The following ADD1 variants were observed in gnomAD, a reference collection of about 807,000 sequenced individuals.
ADD1 encodes adducin 1, also known as alpha-adducin.
ADD1 carries 24 observed loss-of-function variants against 80.5 expected under a neutral mutation model. The observed-to-expected ratio is 0.30, with a 90% CI of 0.22 to 0.42. ADD1 has a LOEUF of 0.42. Ranked by LOEUF, ADD1 falls within the 10% of genes least tolerant of loss-of-function variation. ADD1 has a pLI of 1.00. For synonymous variants in ADD1, 373 were observed against 393.8 expected, an observed-to-expected ratio of 0.95 and a Z score of 0.63; for missense variants, 948 against 1,019.0, an observed-to-expected ratio of 0.93 and a Z score of 0.95.
At chr4:2,853,584 A>G (rs1167399361) in intron 1 of ADD1, 1 of 152,068 alleles carries the variant, frequency 6.6e-6, no homozygotes, top group Non-Finnish European at 1.5e-5. Flanking sequence ...TATGGTTTGA[A>G]GAAACTCTTC....
chr4:2,852,799 C>T (rs771574716), intron 1 of ADD1, among the ~76,000 whole-genome samples: 3 of 151,192 alleles, frequency 2.0e-5, no homozygotes, highest in South Asian at 2.1e-4. Context: ...CTCGTGGGCC[C>T]GAGCAGTCCT....
intron 1 of ADD1, 44 bp downstream of exon 1, chr4:2,844,068 A>AGGC (rs1015343018): frequency 7.2e-5 from 10 of 137,964 alleles, no homozygotes; most frequent in African/African-American, 2.5e-4. Context: ...GTTCGGGCTG[A>AGGC]GGCGGCGGCG....
Position 2,875,891 on chromosome 4 carries a change from T to C in ADD1, c.-20-5T>C. ...ACAATAATTTCTTTTATTTTGATTC[T>C]GTAGGAACCTAGAAAGATTGTACAA... On this transcript the variant is annotated splice_polypyrimidine_tract_variant and splice_region_variant and intron_variant, in intron 1 of 15. Coordinates refer to ENST00000683351, the MANE Select transcript of ADD1 (RefSeq NM_001354761.2). 1 of 1,556,944 alleles carries C rather than the reference T, an allele frequency of 6.4e-7. No individual in the cohort carries two copies. Among genetic ancestry groups the C allele is most frequent in the Non-Finnish European group, 8.7e-7 (1 of 1,153,640 alleles).
At chr4:2,872,060 A>G (rs537485550) in intron 1 of ADD1, among the ~76,000 whole-genome samples, 1 of 152,322 alleles carries the variant, frequency 6.6e-6, no homozygotes, top group Non-Finnish European at 1.5e-5. Flanking sequence ...GACTGGAAGT[A>G]GAGAAACCAA....
intron 13 of ADD1, among the ~76,000 whole-genome samples, chr4:2,914,502 G>A (rs773386726): frequency 6.6e-6 from 1 of 152,218 alleles, no homozygotes; most frequent in Admixed American, 6.5e-5. Flanking sequence ...AGTTTCTGAT[G>A]TCATGAGGAA....
chr4:2,884,367 T>G (rs1732891885), intron 3 of ADD1, 148 bp from the exon 4 acceptor site: 1 of 486,904 alleles, frequency 2.1e-6, no homozygotes, highest in South Asian at 6.4e-5. Context: ...TCTCGCTTTG[T>G]TGCCTTGGCT....
chr4:2,888,865 G>A (rs577635923), intron 4 of ADD1, among the ~76,000 whole-genome samples: 7 of 151,802 alleles, frequency 4.6e-5, no homozygotes, highest in Admixed American at 3.3e-4. Context: ...AAAATGAAAG[G>A]TATCAGAAAT....
At position 2,852,181 on chromosome 4, in the gene ADD1, T is replaced by TCTTC. The variant is rs1560138075; in HGVS notation, c.-21+8160_-21+8161insCCTT. ...TTCTTTCTTTCTTTCTTTCTTTCTTTCTTTCTTTCTTTCTTTCCTTTCTTT... is the reference window on the plus strand; with the variant it reads ...TTCTTTCTTTCTTTCTTTCTTTCTTTCTTCCTTTCTTTCTTTCTTTCCTTTCTTT... On this transcript the variant is annotated intron_variant, in intron 1 of 15. Coordinates refer to ENST00000683351, the MANE Select transcript of ADD1 (RefSeq NM_001354761.2). Among the ~76,000 whole-genome samples, 16 of 55,916 alleles carry TCTTC rather than the reference T, an allele frequency of 2.9e-4. 1 individual carries two copies. In the South Asian group the frequency reaches 4.6e-3, roughly 16 times the overall value. The allele number at this position is 55,916 out of a possible 152,430, so 36.7% of individuals were successfully genotyped here.
intron 1 of ADD1, among the ~76,000 whole-genome samples, chr4:2,874,570 G>A (rs1188313831): frequency 2.0e-5 from 3 of 149,134 alleles, no homozygotes; most frequent in South Asian, 2.1e-4. Context: ...TCATGCCACT[G>A]CACTCCAGAA....
At chr4:2,862,694 C>A (rs985690457) in intron 1 of ADD1, among the ~76,000 whole-genome samples, 10 of 152,188 alleles carry the variant, frequency 6.6e-5, no homozygotes, top group Non-Finnish European at 1.2e-4. Context: ...CTCCCCACCC[C>A]CTGGACTCCC....
chr4:2,888,334 C>T (rs951407365), intron 4 of ADD1, among the ~76,000 whole-genome samples: 5 of 151,752 alleles, frequency 3.3e-5, no homozygotes, highest in African/African-American at 1.2e-4. Flanking sequence ...CTGCCTCGGC[C>T]TCCCAAAGTG....
intron 14 of ADD1, among the ~76,000 whole-genome samples, chr4:2,916,276 A>G (rs1398365718): frequency 7.3e-5 from 11 of 151,458 alleles, no homozygotes; most frequent in South Asian, 2.1e-4. Flanking sequence ...GCTCACTGCA[A>G]TCTCCGCCTC....
In ADD1 at chr4:2,914,969, TCAC is replaced by T; in HGVS notation, c.1881_1883del (p.Thr628del). 1 of 1,614,106 alleles carries T rather than the reference TCAC, an allele frequency of 6.2e-7. No homozygotes were observed. Among genetic ancestry groups the T allele is most frequent in the Non-Finnish European group, 8.5e-7 (1 of 1,179,990 alleles). On this transcript the variant is annotated inframe_deletion, in exon 14 of 16. Coordinates refer to ENST00000683351, the MANE Select transcript of ADD1 (RefSeq NM_001354761.2). Reference sequence around the variant, plus strand: ...GTGAGCACCACGGGCCCCAACCCCTTCACCACACTCACAGACCGTGAGCTGGAG... The same window carrying T: ...GTGAGCACCACGGGCCCCAACCCCTTCACACTCACAGACCGTGAGCTGGAG...
At chr4:2,908,371 T>A (rs1737416227) in intron 11 of ADD1, 144 bp from the exon 12 acceptor site, 7 of 690,168 alleles carry the variant, frequency 1.0e-5, no homozygotes, top group African/African-American at 1.8e-5. Flanking sequence ...TCAGAACACA[T>A]GGGGCCATCC....
intron 1 of ADD1, among the ~76,000 whole-genome samples, chr4:2,852,492 G>A (rs1254413816): frequency 1.3e-5 from 2 of 149,996 alleles, no homozygotes; most frequent in Non-Finnish European, 3.0e-5. Context: ...ACACCCGGCT[G>A]ATTTTTGTGT....
chr4:2,885,828 T>C (rs1012634884), intron 4 of ADD1, among the ~76,000 whole-genome samples: 11 of 152,080 alleles, frequency 7.2e-5, no homozygotes, highest in African/African-American at 9.7e-5. Flanking sequence ...GCCAGGATGG[T>C]CTCGATCTCC....
At chr4:2,859,835 C>A (rs1320788199) in intron 1 of ADD1, among the ~76,000 whole-genome samples, 1 of 152,110 alleles carries the variant, frequency 6.6e-6, no homozygotes, top group Non-Finnish European at 1.5e-5. Context: ...CATTCAGCAG[C>A]TGCGTTATTC....
At chr4:2,876,653 G>A (rs895821558) in intron 2 of ADD1, among the ~76,000 whole-genome samples, 1 of 152,054 alleles carries the variant, frequency 6.6e-6, no homozygotes, top group African/African-American at 2.4e-5. Flanking sequence ...TGGCTAACAC[G>A]GTGAAAACCC....
rs777147184 is a variant in ADD1, at chr4:2,926,069, G to A, written c.2004G>A (p.Ala668=). 21 of 1,614,140 alleles carry A rather than the reference G, an allele frequency of 1.3e-5. No homozygotes were observed. The highest frequency in any genetic ancestry group is 2.7e-5 in the African/African-American group (2 of 75,046). ...QKEKSPPDQP[A]VPHPPPSTPI... ...AAAAGAGTCCTCCAGACCAGCCTGC[G>A]GTCCCCCACCCGCCTCCCAGCACTC... The change falls in exon 15 of 16, where the codon GCG becomes GCA. Residue 668 remains alanine, a synonymous_variant. Transcript: ENST00000683351. The surrounding 1 kb of genome is among the most constrained non-coding windows in gnomAD (Gnocchi z 5.0).
Sources: allele counts gnomAD v4.1 joint callset (sites outside exome capture counted in the v4.1 genomes callset), GRCh38; gene constraint gnomAD v4.1.1; non-coding constraint Gnocchi (gnomAD v3.1); transcripts MANE v1.5; gene names NCBI Gene and HGNC (gene_info 2026-07-23, HGNC 2026-07-21).